KLF7: variants seen among roughly 807,000 people sequenced by gnomAD.
KLF7 encodes Krueppel-like factor 7.
Under a neutral mutation model 27.3 loss-of-function variants are expected in KLF7, and 2 were observed. The observed-to-expected ratio is 0.07, with a 90% confidence interval of 0.03 to 0.23. The LOEUF is 0.23. Among genes scored for constraint, KLF7 ranks in the 10% least tolerant of loss-of-function variants. KLF7 has a pLI of 1.00. For synonymous variants in KLF7, 165 were observed against 162.4 expected, an observed-to-expected ratio of 1.02 and a Z score of -0.12; for missense variants, 221 against 394.1, an observed-to-expected ratio of 0.56 and a Z score of 3.72.
At chr2:207,165,037 G>T (rs1336844890) in intron 1 of KLF7, among the ~76,000 whole-genome samples, 1 of 114,722 alleles carries the variant, frequency 8.7e-6, no homozygotes, top group Non-Finnish European at 1.6e-5. Flanking sequence ...AGCACCAGTT[G>T]AAACAGATGA....
intron 1 of KLF7, among the ~76,000 whole-genome samples, chr2:207,153,282 T>G (rs2078292702): frequency 6.6e-6 from 1 of 152,170 alleles, no homozygotes; most frequent in African/African-American, 2.4e-5. Flanking sequence ...AAGAACAAAT[T>G]AAATTATCAT....
At chr2:207,111,763 G>A (rs948192850) in intron 2 of KLF7, among the ~76,000 whole-genome samples, 11 of 152,140 alleles carry the variant, frequency 7.2e-5, no homozygotes, top group African/African-American at 2.7e-4. Context: ...AGAAGAGTAC[G>A]ATGAGAGGAA....
chr2:207,132,874 G>T (rs1559148949), intron 1 of KLF7, among the ~76,000 whole-genome samples: 1 of 152,178 alleles, frequency 6.6e-6, no homozygotes, highest in Non-Finnish European at 1.5e-5. Flanking sequence ...AATTCAATGC[G>T]ACCATTAGGG....
chr2:207,157,128 T>C (rs1421967813), intron 1 of KLF7, among the ~76,000 whole-genome samples: 1 of 148,222 alleles, frequency 6.7e-6, no homozygotes, highest in African/African-American at 2.5e-5. Flanking sequence ...AAGAAGCAGG[T>C]GATACATTAA....
At chr2:207,125,658 A>T (rs2077459024) in intron 1 of KLF7, among the ~76,000 whole-genome samples, 3 of 152,234 alleles carry the variant, frequency 2.0e-5, no homozygotes, top group Admixed American at 2.0e-4. Context: ...AAAACTCTGC[A>T]TTACTGAATA....
At chr2:207,086,075 C>A (rs2076381849) in intron 3 of KLF7, among the ~76,000 whole-genome samples, 1 of 150,262 alleles carries the variant, frequency 6.7e-6, no homozygotes, top group African/African-American at 2.4e-5. Flanking sequence ...AGACTTGGTA[C>A]ATGCTTAAGG....
chr2:207,088,235 G>C (rs1051190840), intron 3 of KLF7, among the ~76,000 whole-genome samples: 2 of 152,130 alleles, frequency 1.3e-5, no homozygotes, highest in Admixed American at 6.6e-5. Flanking sequence ...CTAGTGTTCT[G>C]TAAATGCTTG....
At chr2:207,164,431 T>C (rs997663705) in intron 1 of KLF7, among the ~76,000 whole-genome samples, 1 of 152,166 alleles carries the variant, frequency 6.6e-6, no homozygotes, top group African/African-American at 2.4e-5. Flanking sequence ...CACTGTACAA[T>C]TTTTAAATAC....
At chr2:207,120,913 C>T (rs886292710) in intron 2 of KLF7, 2 of 152,242 alleles carry the variant, frequency 1.3e-5, no homozygotes, top group African/African-American at 4.8e-5. Flanking sequence ...CCAATTCACA[C>T]CAATTCCAAA....
chr2:207,146,349 T>C (rs2078095541), intron 1 of KLF7, among the ~76,000 whole-genome samples: 1 of 152,202 alleles, frequency 6.6e-6, no homozygotes, highest in Admixed American at 6.5e-5. Context: ...TCCCCTCCCC[T>C]GAGGACTCCC....
chr2:207,143,119 A>T (rs936722110), intron 1 of KLF7, among the ~76,000 whole-genome samples: 7 of 152,222 alleles, frequency 4.6e-5, no homozygotes, highest in African/African-American at 1.7e-4. Flanking sequence ...AACATAACAA[A>T]TCAAAATGAG....
chr2:207,110,729 A>C (rs2077014449), intron 2 of KLF7, among the ~76,000 whole-genome samples: 1 of 152,256 alleles, frequency 6.6e-6, no homozygotes, highest in Admixed American at 6.5e-5. Flanking sequence ...AAAGCGGCAC[A>C]TCATCTAAAT....
intron 1 of KLF7, among the ~76,000 whole-genome samples, chr2:207,163,032 A>G (rs1333136255): frequency 1.3e-5 from 2 of 152,202 alleles, no homozygotes; most frequent in Non-Finnish European, 2.9e-5. Context: ...TAACAGTTGC[A>G]TATCACCATC....
chr2:207,087,706 T>C lies in KLF7; in HGVS notation c.857+752A>G, dbSNP rs112466347. Among the ~76,000 whole-genome samples the C allele has an allele frequency of 2.7e-3, 406 of 152,350 alleles. 4 individuals carry two copies. Among genetic ancestry groups the C allele is most frequent in the African/African-American group, 9.4e-3 (392 of 41,578 alleles). On this transcript the variant is annotated intron_variant, in intron 3 of 3. Transcript: ENST00000309446. ...ACACGCTCAGATGCAAGCCCATTAT[T>C]TGATTATGTCTAAACCTAATCCTGC...
At chr2:207,098,476 T>C (rs544293569) in intron 2 of KLF7, among the ~76,000 whole-genome samples, 2 of 152,326 alleles carry the variant, frequency 1.3e-5, no homozygotes, top group South Asian at 2.1e-4. Flanking sequence ...TTCAATTTGA[T>C]GTATTAAATA....
At position 207,112,852 on chromosome 2, in the gene KLF7, C is replaced by A. The variant is rs188322492; in HGVS notation, c.733+10922G>T. On this transcript the variant is annotated intron_variant, in intron 2 of 3. Transcript: ENST00000309446. ...ACAAAATTGATTTTAGATTTTGCATCACATTTGTTCATTTGCCATGAGGAA... is the reference window on the plus strand; with the variant it reads ...ACAAAATTGATTTTAGATTTTGCATAACATTTGTTCATTTGCCATGAGGAA... 1.4e-3 allele frequency among the ~76,000 whole-genome samples: 216 copies of A among 152,322 alleles called. 4 individuals carry two copies. Among genetic ancestry groups the A allele is most frequent in the African/African-American group, 4.9e-3 (205 of 41,576 alleles).
At chr2:207,142,429 A>G (rs949808514) in intron 1 of KLF7, among the ~76,000 whole-genome samples, 3 of 152,226 alleles carry the variant, frequency 2.0e-5, no homozygotes, top group Non-Finnish European at 2.9e-5. Context: ...ATTGTGCTGG[A>G]GACTTCAAGC....
At chr2:207,129,576 CTTT>C (rs924321945) in intron 1 of KLF7, among the ~76,000 whole-genome samples, 1 of 152,070 alleles carries the variant, frequency 6.6e-6, no homozygotes, top group Non-Finnish European at 1.5e-5. Flanking sequence ...ATCTTGAAAC[CTTT>C]TTTAATACTC....
intron 1 of KLF7, among the ~76,000 whole-genome samples, chr2:207,130,967 A>C (rs558941116): frequency 6.6e-6 from 1 of 152,364 alleles, no homozygotes; most frequent in Admixed American, 6.5e-5. Flanking sequence ...ATTTTCAGTC[A>C]TTTGTGGTCC....
Sources: allele counts gnomAD v4.1 joint callset (sites outside exome capture counted in the v4.1 genomes callset), GRCh38; gene constraint gnomAD v4.1.1; transcripts MANE v1.5; gene names NCBI Gene and HGNC (gene_info 2026-07-23, HGNC 2026-07-21).